MICAL2: variants seen among roughly 807,000 people sequenced by gnomAD.
MICAL2 encodes the protein microtubule associated monooxygenase, calponin and LIM domain containing 2.
In MICAL2, 77 loss-of-function variants were observed where a neutral mutation model predicts 127.3. The observed-to-expected ratio is 0.60, with a 90% CI of 0.50 to 0.73. MICAL2 has a LOEUF of 0.73. Ranked by LOEUF, MICAL2 falls within the 30% of genes least tolerant of loss-of-function variation. The pLI is 0.00. For synonymous variants in MICAL2, 570 were observed against 551.1 expected (o/e 1.03, Z -0.48); for missense variants, 1,351 against 1,434.4 (o/e 0.94, Z 0.94).
At chr11:12,134,028 G>A (rs189394978) in intron 1 of MICAL2, among the ~76,000 whole-genome samples, 2 of 152,318 alleles carry the variant, frequency 1.3e-5, no homozygotes, top group Admixed American at 1.3e-4. Context: ...TGCATGGGGT[G>A]GAACAGGCAT....
intron 1 of MICAL2, among the ~76,000 whole-genome samples, chr11:12,120,046 C>T (rs1850378145): frequency 6.6e-6 from 1 of 152,180 alleles, no homozygotes; most frequent in South Asian, 2.1e-4. Context: ...GAGCCTCATC[C>T]TCCCTTTCTA....
At position 12,162,291 on chromosome 11, in the gene MICAL2, C is replaced by T. The variant is rs1038560683; in HGVS notation, c.136C>T (p.His46Tyr). ...TRHLDLDPLDHRNFYSKLKSK... is the reference protein window; with the variant it reads ...TRHLDLDPLDYRNFYSKLKSK... ...ACACCTGGACCTAGACCCTCTGGAC[C>T]ACAGAAACTTTTATTCCAAGCTCAA... Residue 46 changes from histidine (H) to tyrosine (Y), a missense_variant, in exon 3 of 28, where the codon CAC becomes TAC. By Grantham distance (83) the His-to-Tyr change is moderately conservative (BLOSUM62 2). Transcript: ENST00000683283. 2 of 1,614,104 alleles carry T rather than the reference C, an allele frequency of 1.2e-6. No homozygotes were observed. Among genetic ancestry groups the T allele is most frequent in the Non-Finnish European group, 1.7e-6 (2 of 1,180,050 alleles).
In MICAL2 at chr11:12,344,418, G is replaced by A. The variant is rs370334032; in HGVS notation, c.5516-5420G>A. On this transcript the variant is annotated intron_variant, in intron 32 of 34. Coordinates refer to the MICAL2 transcript ENST00000646065. ...CTAGAGGTCTTGGAGCACATTTTCCGTTTTTCATATGGAAAAGAAGCATGA... is the reference window on the plus strand; with the variant it reads ...CTAGAGGTCTTGGAGCACATTTTCCATTTTTCATATGGAAAAGAAGCATGA... 6.0e-4 allele frequency among the ~76,000 whole-genome samples: 91 copies of A among 151,152 alleles called. No homozygotes were observed. The South Asian group carries it at 0.011, about 19-fold the overall frequency.
chr11:12,360,267 GATA>G (rs1409673523), downstream of MICAL2, among the ~76,000 whole-genome samples: 1 of 152,104 alleles, frequency 6.6e-6, no homozygotes, highest in East Asian at 1.9e-4. Flanking sequence ...GGTGAGAATT[GATA>G]ATATCATTTC....
At chr11:12,339,510 GAGGAA>G (rs370094157) in intron 32 of MICAL2, among the ~76,000 whole-genome samples, 17 of 152,162 alleles carry the variant, frequency 1.1e-4, no homozygotes, top group Admixed American at 3.3e-4. Context: ...TCCTTTGGAT[GAGGAA>G]AGGCACTCTG....
chr11:12,336,983 G>A (rs1389792603), intron 32 of MICAL2, among the ~76,000 whole-genome samples: 1 of 152,162 alleles, frequency 6.6e-6, no homozygotes, highest in Non-Finnish European at 1.5e-5. Context: ...GAGTTAGGAA[G>A]GATTCCTTCT....
chr11:12,234,855 G>T (rs115305053), intron 15 of MICAL2, among the ~76,000 whole-genome samples: 1,851 of 152,314 alleles, frequency 0.012, 46 homozygotes, highest in African/African-American at 0.04. Context: ...ATCCTCCTGT[G>T]ATCGGGTAGG....
intron 6 of MICAL2, among the ~76,000 whole-genome samples, chr11:12,211,172 G>A (rs1486981946): frequency 6.6e-6 from 1 of 152,170 alleles, no homozygotes; most frequent in East Asian, 1.9e-4. Flanking sequence ...CTGAGGTCAG[G>A]AGATCGAGAC....
At chr11:12,359,669 C>T (rs1939180305), downstream of MICAL2, among the ~76,000 whole-genome samples, 1 of 152,126 alleles carries the variant, frequency 6.6e-6, no homozygotes, top group Non-Finnish European at 1.5e-5. Context: ...ATTCCTGGGG[C>T]ATTATGAGGG....
At chr11:12,190,722 A>T (rs1028938414) in intron 3 of MICAL2, among the ~76,000 whole-genome samples, 1 of 152,224 alleles carries the variant, frequency 6.6e-6, no homozygotes, top group Non-Finnish European at 1.5e-5. Flanking sequence ...ATGCAAAATT[A>T]AGCAAGAGTG....
chr11:12,155,333 CACAT>C (rs1854045322), intron 2 of MICAL2, among the ~76,000 whole-genome samples: 1 of 151,956 alleles, frequency 6.6e-6, no homozygotes, highest in African/African-American at 2.4e-5. Context: ...CGCACATATA[CACAT>C]ACATGTACAT....
chr11:12,178,533 G>A (rs1250025898), intron 3 of MICAL2, among the ~76,000 whole-genome samples: 1 of 152,038 alleles, frequency 6.6e-6, no homozygotes, highest in Non-Finnish European at 1.5e-5. Context: ...TTGGCAATTG[G>A]TTGAAAGAGT....
chr11:12,346,101 C>T (rs1432417299), intron 32 of MICAL2, among the ~76,000 whole-genome samples: 2 of 152,216 alleles, frequency 1.3e-5, no homozygotes, highest in African/African-American at 4.8e-5. Context: ...GTTTTCAGGA[C>T]TTAAAGTACA....
At chr11:12,268,429 T>C (rs554776433), downstream of MICAL2, among the ~76,000 whole-genome samples, 3 of 152,334 alleles carry the variant, frequency 2.0e-5, no homozygotes, top group African/African-American at 7.2e-5. Flanking sequence ...ACACACATCC[T>C]CTGTCCCCTC....
intron 2 of MICAL2, among the ~76,000 whole-genome samples, chr11:12,139,939 G>T (rs1366266717): frequency 6.6e-6 from 1 of 152,110 alleles, no homozygotes; most frequent in Non-Finnish European, 1.5e-5. Context: ...GGTCCCTCCT[G>T]GCTCATCCAT....
At chr11:12,237,930 A>T (rs1172474631) in intron 16 of MICAL2, among the ~76,000 whole-genome samples, 1 of 152,194 alleles carries the variant, frequency 6.6e-6, no homozygotes, top group Non-Finnish European at 1.5e-5. Flanking sequence ...TTGTACAAAT[A>T]GTGATCACCC....
chr11:12,212,416 C>T (rs1855591277), intron 6 of MICAL2, among the ~76,000 whole-genome samples: 1 of 152,204 alleles, frequency 6.6e-6, no homozygotes, highest in East Asian at 1.9e-4. Flanking sequence ...GTCGAGGCTG[C>T]AGTGAGCCAT....
rs1281861936 is a variant in MICAL2 at position 12,278,698 on chromosome 11, T to C, written c.88-2235T>C. On this transcript the variant is annotated intron_variant, in intron 1 of 2. Transcript: ENST00000529028. Reference sequence around the variant, plus strand: ...GGAAGCCTGCAGCTCGGGGTCAGGATGGGAGCAGTGGAGATGGATTTGTTA... The same window carrying C: ...GGAAGCCTGCAGCTCGGGGTCAGGACGGGAGCAGTGGAGATGGATTTGTTA... Among the ~76,000 whole-genome samples the C allele has an allele frequency of 2.0e-5, 3 of 152,232 alleles. No homozygotes were observed. The South Asian group carries it at 6.2e-4, about 32-fold the overall frequency.
Position 12,256,769 on chromosome 11 carries a change from C to G in MICAL2, c.2956-16C>G, listed in dbSNP as rs549496953. Reference sequence around the variant, plus strand: ...GATAAGCCATAATACACCCACTCTTCTCTCCCGATCCCCAGGAATCTATGC... The same window carrying G: ...GATAAGCCATAATACACCCACTCTTGTCTCCCGATCCCCAGGAATCTATGC... On this transcript the variant is annotated splice_polypyrimidine_tract_variant and intron_variant, in intron 23 of 27. Coordinates refer to ENST00000683283, the MANE Select transcript of MICAL2 (RefSeq NM_001282663.2). The G allele has an allele frequency of 1.3e-6, 2 of 1,596,832 alleles. No homozygotes were observed. Among genetic ancestry groups the G allele is most frequent in the Admixed American group, 1.7e-5 (1 of 59,110 alleles).
Sources: gnomAD v4.1 joint callset for allele counts (sites outside exome capture counted in the v4.1 genomes callset) on GRCh38, gnomAD v4.1.1 for gene constraint, MANE v1.5 for transcripts, NCBI Gene and HGNC (gene_info 2026-07-23, HGNC 2026-07-21) for gene names.